Variants in SLC37A3 observed in about 807,000 individuals in gnomAD.
The protein encoded by SLC37A3 is solute carrier family 37 member 3.
Under a neutral mutation model 67.1 loss-of-function variants are expected in SLC37A3, and 51 were observed. The observed-to-expected ratio is 0.76, with a 90% confidence interval of 0.61 to 0.96. The LOEUF is 0.96. SLC37A3 is among the 40% of genes least tolerant of loss of function. The pLI is 0.00. For missense variants in SLC37A3, 508 were observed against 603.0 expected (o/e 0.84, Z 1.65); for synonymous variants, 214 against 231.4 (o/e 0.92, Z 0.68).
chr7:140,381,909 G>A (rs1049178376), intron 2 of SLC37A3, among the ~76,000 whole-genome samples: 1 of 151,624 alleles, frequency 6.6e-6, no homozygotes, highest in East Asian at 1.9e-4. Flanking sequence ...AGCTACTCGG[G>A]AGGCTGAGGC....
chr7:140,355,448 G>A (rs1796984712), intron 7 of SLC37A3, among the ~76,000 whole-genome samples: 1 of 151,272 alleles, frequency 6.6e-6, no homozygotes, highest in Admixed American at 6.6e-5. Context: ...TCCCGACCTC[G>A]GCTGATCCGC....
At position 140,352,166 on chromosome 7, in the gene SLC37A3, G is replaced by A. The variant is rs754450010; in HGVS notation, c.619-20C>T. On this transcript the variant is annotated intron_variant, in intron 7 of 14. Transcript: ENST00000326232. ...GGCATACTGGAGGAGAGGGGTGAAA[G>A]GTGGTCCTTACATATCTGGGGACAG... is the stretch of plus-strand genomic sequence containing the variant. 6.2e-7 allele frequency: 1 copy of A among 1,603,836 alleles called. No homozygotes were observed. Among genetic ancestry groups the A allele is most frequent in the South Asian group, 1.1e-5 (1 of 90,084 alleles).
At chr7:140,375,173 AC>A (rs200684967) in intron 3 of SLC37A3, among the ~76,000 whole-genome samples, 36 of 127,160 alleles carry the variant, frequency 2.8e-4, no homozygotes, top group African/African-American at 8.8e-4. Flanking sequence ...ACAAAAAACA[AC>A]AAAAAAAAAA....
intron 14 of SLC37A3, among the ~76,000 whole-genome samples, chr7:140,336,659 C>T (rs1796142050): frequency 1.3e-5 from 2 of 152,130 alleles, no homozygotes; most frequent in African/African-American, 4.8e-5. Context: ...TTATATTCAG[C>T]AGATAGAGGG....
intron 1 of SLC37A3, among the ~76,000 whole-genome samples, chr7:140,388,473 G>GAA (rs11430425): frequency 1.0e-3 from 145 of 141,818 alleles, no homozygotes; most frequent in Non-Finnish European, 1.3e-3. Context: ...ATTCTCTCCA[G>GAA]AAAAAAAAAA....
rs1003159033 is a variant in SLC37A3, at chr7:140,393,183, T to A, written c.-71+5233A>T. Among the ~76,000 whole-genome samples, 19 of 152,082 alleles carry A rather than the reference T, an allele frequency of 1.2e-4. 1 individual carries two copies. Among genetic ancestry groups the A allele is most frequent in the Non-Finnish European group, 1.5e-4 (10 of 68,012 alleles). Reference sequence around the variant, plus strand: ...TTCTTTCACATCTTCTCTCTTTCCTTCAGGGGCACAATCTGTGCCTCTGCA... The same window carrying A: ...TTCTTTCACATCTTCTCTCTTTCCTACAGGGGCACAATCTGTGCCTCTGCA... On this transcript the variant is annotated intron_variant, in intron 1 of 14. Coordinates refer to ENST00000326232, the MANE Select transcript of SLC37A3 (RefSeq NM_207113.3).
intron 10 of SLC37A3, among the ~76,000 whole-genome samples, chr7:140,347,800 AAAC>A (rs1563012598): frequency 6.6e-6 from 1 of 151,694 alleles, no homozygotes; most frequent in Non-Finnish European, 1.5e-5. Flanking sequence ...GTTTATAATG[AAAC>A]AACTGTAAAA....
intron 13 of SLC37A3, among the ~76,000 whole-genome samples, chr7:140,338,234 T>C (rs1207459166): frequency 2.0e-5 from 3 of 152,134 alleles, no homozygotes; most frequent in Non-Finnish European, 2.9e-5. Flanking sequence ...GTTACATTCA[T>C]AATGCTGTAC....
At chr7:140,388,561 C>T (rs902212234) in intron 1 of SLC37A3, among the ~76,000 whole-genome samples, 6 of 151,972 alleles carry the variant, frequency 3.9e-5, no homozygotes, top group Non-Finnish European at 8.8e-5. Context: ...GTCTGGAATC[C>T]CAGCACTTTG....
intron 14 of SLC37A3, among the ~76,000 whole-genome samples, chr7:140,336,022 C>T (rs965955976): frequency 1.3e-5 from 2 of 152,200 alleles, no homozygotes; most frequent in African/African-American, 2.4e-5. Context: ...GCCTGGAGTA[C>T]GGGTGGTGGA....
intron 1 of SLC37A3, among the ~76,000 whole-genome samples, chr7:140,389,339 G>A (rs760138760): frequency 6.6e-6 from 1 of 151,948 alleles, no homozygotes; most frequent in Non-Finnish European, 1.5e-5. Context: ...TAGATCAGCC[G>A]ACACCACCCA....
intron 1 of SLC37A3, among the ~76,000 whole-genome samples, chr7:140,397,701 G>C (rs1381360816): frequency 6.6e-6 from 1 of 151,980 alleles, no homozygotes. Context: ...TGGACAAAAA[G>C]ATAACAACTG....
chr7:140,345,903 C>G lies in SLC37A3; in HGVS notation c.1092G>C (p.Leu364=). 1 of 1,614,002 alleles carries G rather than the reference C, an allele frequency of 6.2e-7. No individual in the cohort carries two copies. Among genetic ancestry groups the G allele is most frequent in the South Asian group, 1.1e-5 (1 of 91,084 alleles). The change falls in exon 11 of 15, where the codon CTG becomes CTC. Residue 364 remains leucine (L), a synonymous_variant. Transcript: ENST00000326232. ...CGATGAGGGACCCAACTGCCAGAAGCAGACTCAGGGCAAGAACCGGCGCTC... is the reference window on the plus strand; with the variant it reads ...CGATGAGGGACCCAACTGCCAGAAGGAGACTCAGGGCAAGAACCGGCGCTC... ...QKRAPVLALS[L]LLAVGSLIGY...
intron 1 of SLC37A3, among the ~76,000 whole-genome samples, chr7:140,387,673 A>ATATATAT (rs1217014748): frequency 2.8e-5 from 3 of 107,324 alleles, no homozygotes; most frequent in African/African-American, 7.1e-5. Flanking sequence ...TAAATATATT[A>ATATATAT]TATATAAATA....
At chr7:140,385,027 T>C (rs997512878) in intron 1 of SLC37A3, among the ~76,000 whole-genome samples, 2 of 152,222 alleles carry the variant, frequency 1.3e-5, no homozygotes, top group African/African-American at 4.8e-5. Flanking sequence ...GTTACAATTA[T>C]GTACACATGA....
chr7:140,385,712 C>T (rs1434696170), intron 1 of SLC37A3, among the ~76,000 whole-genome samples: 2 of 152,144 alleles, frequency 1.3e-5, no homozygotes, highest in African/African-American at 2.4e-5. Context: ...CCATCTTTTC[C>T]TAAGCTATAA....
At chr7:140,375,663 G>A (rs1798005163) in intron 3 of SLC37A3, among the ~76,000 whole-genome samples, 1 of 152,048 alleles carries the variant, frequency 6.6e-6, no homozygotes, top group South Asian at 2.1e-4. Flanking sequence ...AACTACGAAA[G>A]AATCAAAGAA....
chr7:140,338,374 T>C (rs1028112809), intron 13 of SLC37A3, among the ~76,000 whole-genome samples: 14 of 152,234 alleles, frequency 9.2e-5, no homozygotes, highest in African/African-American at 3.1e-4. Flanking sequence ...AACTGGCCTA[T>C]GCTAGATATT....
chr7:140,386,288 T>C (rs1210172662), intron 1 of SLC37A3, among the ~76,000 whole-genome samples: 1 of 152,094 alleles, frequency 6.6e-6, no homozygotes, highest in Non-Finnish European at 1.5e-5. Context: ...CAGGCTGGTC[T>C]TGAATTCCTG....
Sources: allele counts gnomAD v4.1 joint callset (sites outside exome capture counted in the v4.1 genomes callset), GRCh38; gene constraint gnomAD v4.1.1; transcripts MANE v1.5; gene names NCBI Gene and HGNC (gene_info 2026-07-23, HGNC 2026-07-21).